ABCB1: variants seen among roughly 807,000 people sequenced by gnomAD.
ABCB1 encodes ATP binding cassette subfamily B member 1.
In ABCB1, 69 loss-of-function variants were observed where a neutral mutation model predicts 142.0. That is an observed-to-expected ratio of 0.49 (90% CI 0.40 to 0.59). The LOEUF (loss-of-function observed/expected upper bound fraction) is 0.59, where lower values mean the gene tolerates loss of function less well. Ranked by LOEUF, ABCB1 falls within the 20% of genes least tolerant of loss-of-function variation. The probability of loss-of-function intolerance (pLI) is 0.00; values close to 1 mark genes in which losing one functional copy is unlikely to be tolerated. For missense variants in ABCB1, 1,326 were observed against 1,554.7 expected (o/e 0.85, Z 2.47); for synonymous variants, 532 against 539.2 (o/e 0.99, Z 0.18).
At position 87,550,179 on chromosome 7, in the gene ABCB1, C is replaced by T. The variant is rs139611979; in HGVS notation, c.1342G>A (p.Glu448Lys). The change falls in exon 12 of 28, where the codon GAG (glutamate) becomes AAG (lysine). Residue 448 changes from glutamate to lysine, a missense_variant. Coordinates refer to ENST00000622132, the MANE Select transcript of ABCB1 (RefSeq NM_001348946.2). ...QLMQRLYDPTEGMVSVDGQDI... is the reference protein window; with the variant it reads ...QLMQRLYDPTKGMVSVDGQDI... ...CGCATGGGTCATCTCACCATCCCCT[C>T]TGTGGGGTCATAGAGCCTCTGCATC... 8 of 1,614,110 alleles carry T rather than the reference C, an allele frequency of 5.0e-6. No homozygotes were observed. The East Asian group carries it at 6.7e-5, about 13-fold the overall frequency.
At chr7:87,647,434 C>A (rs968543577) in intron 1 of ABCB1, among the ~76,000 whole-genome samples, 1 of 152,086 alleles carries the variant, frequency 6.6e-6, no homozygotes, top group Non-Finnish European at 1.5e-5. Context: ...GTAATATAAT[C>A]TAATTGTCTT....
chr7:87,505,235 G>A (rs1233006921), intron 27 of ABCB1, among the ~76,000 whole-genome samples: 1 of 152,158 alleles, frequency 6.6e-6, no homozygotes, highest in Non-Finnish European at 1.5e-5. Context: ...AAAGTGTTGG[G>A]GTTACAGGTG....
intron 1 of ABCB1, among the ~76,000 whole-genome samples, chr7:87,698,858 T>C (rs998526888): frequency 1.3e-5 from 2 of 152,238 alleles, no homozygotes; most frequent in African/African-American, 2.4e-5. Flanking sequence ...TACATGGGTT[T>C]CTGGAAGAGG....
upstream of ABCB1, chr7:87,600,903 G>C (rs1047694555): frequency 5.3e-5 from 8 of 152,366 alleles, no homozygotes; most frequent in African/African-American, 1.9e-4. Flanking sequence ...GCTTCCTGTG[G>C]CAAAGAGAGC....
chr7:87,622,343 T>C (rs1299382027), intron 1 of ABCB1, among the ~76,000 whole-genome samples: 2 of 152,140 alleles, frequency 1.3e-5, no homozygotes, highest in Non-Finnish European at 2.9e-5. Context: ...TGCATTTTCA[T>C]TACTAATGAA....
intron 4 of ABCB1, among the ~76,000 whole-genome samples, chr7:87,578,543 A>G (rs1340643591): frequency 6.6e-6 from 1 of 152,202 alleles, no homozygotes; most frequent in Admixed American, 6.5e-5. Flanking sequence ...CCAATCAATG[A>G]ACATGGAGTA....
chr7:87,605,110 C>A (rs1160713376), upstream of ABCB1, among the ~76,000 whole-genome samples: 1 of 152,112 alleles, frequency 6.6e-6, no homozygotes, highest in Non-Finnish European at 1.5e-5. Flanking sequence ...CTTCAAAGAT[C>A]CGTTGCCATG....
chr7:87,708,065 G>A (rs1001429864), intron 1 of ABCB1, among the ~76,000 whole-genome samples: 4 of 151,944 alleles, frequency 2.6e-5, no homozygotes, highest in Non-Finnish European at 5.9e-5. Context: ...AAGAATAGAG[G>A]CTGGAAATTG....
At chr7:87,629,715 C>T (rs1297869109) in intron 1 of ABCB1, among the ~76,000 whole-genome samples, 1 of 151,714 alleles carries the variant, frequency 6.6e-6, no homozygotes, top group African/African-American at 2.4e-5. Flanking sequence ...ATCACGAGGT[C>T]GGAGTTCGAG....
At chr7:87,708,343 A>G (rs146894307) in intron 1 of ABCB1, among the ~76,000 whole-genome samples, 1 of 152,258 alleles carries the variant, frequency 6.6e-6, no homozygotes, top group East Asian at 1.9e-4. Flanking sequence ...AAAAATCCTA[A>G]AAGAGGATAT....
intron 14 of ABCB1, among the ~76,000 whole-genome samples, chr7:87,547,850 CAAAAAAAAA>C (rs1210127693): frequency 2.4e-5 from 1 of 42,018 alleles, no homozygotes; most frequent in Non-Finnish European, 4.1e-5. Flanking sequence ...GACTCCATCT[CAAAAAAAAA>C]AAAAAAAAAA....
At chr7:87,587,557 G>C (rs1818808842) in intron 3 of ABCB1, among the ~76,000 whole-genome samples, 1 of 152,118 alleles carries the variant, frequency 6.6e-6, no homozygotes, top group African/African-American at 2.4e-5. Context: ...AAGAGGTGAT[G>C]CTTCCTTCCA....
At chr7:87,670,688 G>T (rs571547704) in intron 1 of ABCB1, among the ~76,000 whole-genome samples, 1 of 152,244 alleles carries the variant, frequency 6.6e-6, no homozygotes, top group African/African-American at 2.4e-5. Flanking sequence ...GCTTTGTGCA[G>T]TGTCTTTATT....
intron 1 of ABCB1, among the ~76,000 whole-genome samples, chr7:87,692,328 G>T (rs745815948): frequency 6.6e-6 from 1 of 152,060 alleles, no homozygotes; most frequent in African/African-American, 2.4e-5. Context: ...CTGGTGGCAC[G>T]CACCTGTAGT....
chr7:87,548,605 C>A (rs1035738508), intron 14 of ABCB1, among the ~76,000 whole-genome samples: 1 of 152,152 alleles, frequency 6.6e-6, no homozygotes, highest in Non-Finnish European at 1.5e-5. Flanking sequence ...ATGAGTTCAT[C>A]TTTGAATTCT....
chr7:87,519,566 C>T, intron 22 of ABCB1, 100 bp from the exon 23 acceptor site: 3 of 1,425,198 alleles, frequency 2.1e-6, no homozygotes, highest in Non-Finnish European at 2.0e-6. Flanking sequence ...GCATGACCAA[C>T]AAAAATGGGT....
At chr7:87,636,532 A>G (rs1191610441) in intron 1 of ABCB1, among the ~76,000 whole-genome samples, 1 of 152,126 alleles carries the variant, frequency 6.6e-6, no homozygotes, top group Non-Finnish European at 1.5e-5. Context: ...TTCACTCTGT[A>G]GTATGTTTTG....
At chr7:87,567,727 G>A (rs1039577337) in intron 5 of ABCB1, among the ~76,000 whole-genome samples, 1 of 152,104 alleles carries the variant, frequency 6.6e-6, no homozygotes, top group Non-Finnish European at 1.5e-5. Context: ...CACGAGTATT[G>A]TCTTAAAAAA....
chr7:87,550,952 A>C, intron 9 of ABCB1, 114 bp from the exon 10 acceptor site: 1 of 702,812 alleles, frequency 1.4e-6, no homozygotes, highest in South Asian at 1.5e-5. Flanking sequence ...TGGCGAGGCA[A>C]CATATAAATA....
Sources: allele counts gnomAD v4.1 joint callset (sites outside exome capture counted in the v4.1 genomes callset), GRCh38; gene constraint gnomAD v4.1.1; transcripts MANE v1.5; gene names NCBI Gene and HGNC (gene_info 2026-07-23, HGNC 2026-07-21).